Variants in ZFHX3 observed in about 807,000 individuals in gnomAD.
ZFHX3 encodes zinc finger homeobox protein 3.
ZFHX3 carries 42 observed loss-of-function variants against 279.1 expected under a neutral mutation model. The ratio of observed to expected loss-of-function variants is 0.15; its 90% CI spans 0.12 to 0.19. The LOEUF (loss-of-function observed/expected upper bound fraction) is 0.19. Ranked by LOEUF, ZFHX3 falls within the 10% of genes least tolerant of loss-of-function variation. ZFHX3 has a pLI of 1.00. For synonymous variants in ZFHX3, 2,293 were observed against 1,957.8 expected (o/e 1.17, Z -4.52); for missense variants, 4,981 against 4,754.0 (o/e 1.05, Z -1.40).
intron 3 of ZFHX3, among the ~76,000 whole-genome samples, chr16:73,435,838 T>A (rs769988852): frequency 6.6e-6 from 1 of 152,182 alleles, no homozygotes; most frequent in African/African-American, 2.4e-5. Flanking sequence ...GTCAGGGGTA[T>A]CTGCTGCTGA....
intron 1 of ZFHX3, among the ~76,000 whole-genome samples, chr16:73,850,258 G>A (rs555348227): frequency 6.6e-6 from 1 of 152,300 alleles, no homozygotes; most frequent in East Asian, 1.9e-4. Flanking sequence ...GGGCAGGTTG[G>A]TTAAGCCTTA....
At chr16:73,225,505 A>T (rs981976073) in intron 5 of ZFHX3, among the ~76,000 whole-genome samples, 2 of 152,150 alleles carry the variant, frequency 1.3e-5, no homozygotes, top group African/African-American at 4.8e-5. Flanking sequence ...TGGGAGCGTC[A>T]TTTGAGCCCG....
At chr16:73,733,060 T>C (rs181562150) in intron 1 of ZFHX3, among the ~76,000 whole-genome samples, 64 of 152,138 alleles carry the variant, frequency 4.2e-4, no homozygotes, top group African/African-American at 1.4e-3. Flanking sequence ...TAATAAATTA[T>C]TTAGGCAGCA....
intron 1 of ZFHX3, among the ~76,000 whole-genome samples, chr16:72,966,670 C>T (rs762885545): frequency 1.3e-5 from 2 of 152,162 alleles, no homozygotes; most frequent in African/African-American, 4.8e-5. Flanking sequence ...ACACCATTCA[C>T]GGGTGCAGGG....
intron 4 of ZFHX3, among the ~76,000 whole-genome samples, chr16:73,286,410 C>T (rs7189557): frequency 0.88 from 133,847 of 152,286 alleles, 59,057 homozygotes; most frequent in African/African-American, 0.96. Flanking sequence ...CAGTCAAGTA[C>T]GTTCTTCAAA....
chr16:73,294,016 A>G (rs2014841994), intron 4 of ZFHX3: 1 of 146,302 alleles, frequency 6.8e-6, no homozygotes, highest in African/African-American at 2.5e-5. Flanking sequence ...AAAAAAAACC[A>G]CAAAGCTCAG....
intron 4 of ZFHX3, among the ~76,000 whole-genome samples, chr16:73,269,041 G>GAAA (rs2014067120): frequency 6.6e-6 from 1 of 152,184 alleles, no homozygotes; most frequent in Non-Finnish European, 1.5e-5. Flanking sequence ...AAAGCTCTTT[G>GAAA]GTTATTGTTT....
intron 3 of ZFHX3, among the ~76,000 whole-genome samples, chr16:73,432,487 G>A (rs1361686142): frequency 6.6e-6 from 1 of 152,154 alleles, no homozygotes; most frequent in Non-Finnish European, 1.5e-5. Context: ...GGAATCCTAT[G>A]TGATCCACTG....
At chr16:72,833,032 G>A (rs1199247579) in intron 4 of ZFHX3, among the ~76,000 whole-genome samples, 1 of 152,232 alleles carries the variant, frequency 6.6e-6, no homozygotes, top group Non-Finnish European at 1.5e-5. Context: ...AAACAGAGAT[G>A]CAAACTGAAA....
At chr16:73,541,795 T>C (rs1313075523) in intron 2 of ZFHX3, among the ~76,000 whole-genome samples, 1 of 94,850 alleles carries the variant, frequency 1.1e-5, no homozygotes, top group African/African-American at 4.9e-5. Flanking sequence ...TCTTTTTTTT[T>C]TTTTTTTTTT....
At chr16:73,692,861 G>T (rs557210633) in intron 1 of ZFHX3, among the ~76,000 whole-genome samples, 34 of 152,296 alleles carry the variant, frequency 2.2e-4, no homozygotes, top group African/African-American at 8.2e-4. Context: ...GCAGAAAGAG[G>T]AGCCACCAGA....
Position 72,903,834 on chromosome 16 carries a change from G to A in ZFHX3, c.3217-13872C>T, listed in dbSNP as rs1404723009. ...GAGAAAATAAATATACCGCTAGAAA[G>A]ATCAGATCCCTGCACTATGCAGAGA... On this transcript the variant is annotated intron_variant, in intron 3 of 9. Coordinates refer to ENST00000268489, the MANE Select transcript of ZFHX3 (RefSeq NM_006885.4). 2.6e-5 allele frequency among the ~76,000 whole-genome samples: 4 copies of A among 152,170 alleles called. No individual in the cohort carries two copies. In the East Asian group the frequency reaches 5.8e-4, roughly 22 times the overall value.
intron 1 of ZFHX3, among the ~76,000 whole-genome samples, chr16:72,995,694 C>T (rs1048429400): frequency 4.6e-5 from 7 of 152,142 alleles, no homozygotes; most frequent in Admixed American, 2.0e-4. Context: ...ACAAACCCCG[C>T]GCTGGGTCCT....
At chr16:73,563,495 G>C (rs1020242023) in intron 2 of ZFHX3, among the ~76,000 whole-genome samples, 1 of 151,986 alleles carries the variant, frequency 6.6e-6, no homozygotes. Context: ...CTGACCTCGT[G>C]ATCCGCCCGC....
At chr16:73,844,014 G>T (rs561946601) in intron 1 of ZFHX3, among the ~76,000 whole-genome samples, 20 of 152,212 alleles carry the variant, frequency 1.3e-4, no homozygotes, top group African/African-American at 4.3e-4. Flanking sequence ...ACAAAATTAG[G>T]CAGCGGGCTG....
intron 5 of ZFHX3, among the ~76,000 whole-genome samples, chr16:73,152,872 G>A (rs1234934319): frequency 1.3e-5 from 2 of 152,002 alleles, no homozygotes; most frequent in East Asian, 3.9e-4. Flanking sequence ...GCTGAGCCGG[G>A]TAATCAAAGC....
Position 73,807,449 on chromosome 16 carries a change from C to T in ZFHX3, c.-1608+84202G>A, listed in dbSNP as rs115701552. Reference sequence around the variant, plus strand: ...ACCATCAAGCTAATTGCACCAACATCATCTGTTAAAAGCTGCTAAAAATGA... The same window carrying T: ...ACCATCAAGCTAATTGCACCAACATTATCTGTTAAAAGCTGCTAAAAATGA... On this transcript the variant is annotated intron_variant, in intron 1 of 17. Transcript: ENST00000641206. 3.2e-3 allele frequency among the ~76,000 whole-genome samples: 486 copies of T among 152,092 alleles called. 7 individuals carry two copies. Among genetic ancestry groups the T allele is most frequent in the African/African-American group, 0.011 (460 of 41,502 alleles).
At chr16:73,674,159 G>A (rs138561341) in intron 2 of ZFHX3, among the ~76,000 whole-genome samples, 7 of 152,244 alleles carry the variant, frequency 4.6e-5, no homozygotes, top group Admixed American at 2.6e-4. Flanking sequence ...CACAAAATAA[G>A]CATGTGATGA....
intron 3 of ZFHX3, among the ~76,000 whole-genome samples, chr16:73,395,439 G>T (rs1158672604): frequency 6.6e-6 from 1 of 152,008 alleles, no homozygotes; most frequent in East Asian, 1.9e-4. Flanking sequence ...ACTCTAGCCT[G>T]GGTGACAAAG....
Sources: gnomAD v4.1 joint callset for allele counts (sites outside exome capture counted in the v4.1 genomes callset) on GRCh38, gnomAD v4.1.1 for gene constraint, MANE v1.5 for transcripts, NCBI Gene and HGNC (gene_info 2026-07-23, HGNC 2026-07-21) for gene names.